The following AGRN variants were observed in gnomAD, a reference collection of about 807,000 sequenced individuals.
The protein encoded by AGRN is agrin proteoglycan.
In AGRN, 106 loss-of-function variants were observed where a neutral mutation model predicts 211.0. The ratio of observed to expected loss-of-function variants is 0.50; its 90% CI spans 0.43 to 0.59. The LOEUF (loss-of-function observed/expected upper bound fraction) is 0.59. AGRN is among the 20% of genes least tolerant of loss of function. The probability of loss-of-function intolerance (pLI) is 0.00; values close to 1 mark genes in which losing one functional copy is unlikely to be tolerated. For missense variants in AGRN, 3,040 were observed against 2,982.6 expected, an observed-to-expected ratio of 1.02 and a Z score of -0.45; for synonymous variants, 1,525 against 1,332.5, an observed-to-expected ratio of 1.14 and a Z score of -3.15.
At chr1:1,027,261 T>C (rs1644541420) in intron 2 of AGRN, among the ~76,000 whole-genome samples, 1 of 152,208 alleles carries the variant, frequency 6.6e-6, no homozygotes, top group Non-Finnish European at 1.5e-5. Flanking sequence ...TGTACACGCA[T>C]GTGTGTGCAC....
At position 1,048,573 on chromosome 1, in the gene AGRN, C is replaced by T. The variant is rs957056928; in HGVS notation, c.4105+208C>T. 1.7e-6 allele frequency: 1 copy of T among 591,840 alleles called. No homozygotes were observed. The highest frequency in any genetic ancestry group is 1.9e-5 in the African/African-American group (1 of 52,856). 36.7% of individuals were successfully genotyped at this position (591,840 alleles called of 1,614,324 possible). A position where few individuals can be genotyped will look rare whatever the true frequency, so the allele number is the denominator to read the frequency against. On this transcript the variant is annotated intron_variant, in intron 23 of 35. Coordinates refer to ENST00000379370, the MANE Select transcript of AGRN (RefSeq NM_198576.4). The surrounding 1 kb of genome is among the most constrained non-coding windows in gnomAD (Gnocchi z 5.9). ...ATCACCTGAGGTCGGGAGTTCGAGACCAGCCTGACCAACATGGAGACACTC... is the reference window on the plus strand; with the variant it reads ...ATCACCTGAGGTCGGGAGTTCGAGATCAGCCTGACCAACATGGAGACACTC...
intron 1 of AGRN, among the ~76,000 whole-genome samples, chr1:1,021,619 G>T (rs537169611): frequency 1.3e-5 from 2 of 152,274 alleles, no homozygotes; most frequent in African/African-American, 4.8e-5. Context: ...ACAGGCCACC[G>T]TCAGAGCAGC....
At chr1:1,053,582 CCT>C (rs1454221904) in intron 33 of AGRN, 169 bp from the exon 34 acceptor site, 11 of 1,514,294 alleles carry the variant, frequency 7.3e-6, no homozygotes, top group Admixed American at 4.0e-5. Flanking sequence ...CCAGGCTGCC[CCT>C]GTCTCCATCC....
At chr1:1,021,976 G>A (rs1644415894) in intron 1 of AGRN, among the ~76,000 whole-genome samples, 1 of 152,362 alleles carries the variant, frequency 6.6e-6, no homozygotes, top group East Asian at 1.9e-4. Flanking sequence ...CCTGGGGGAG[G>A]GGATGTGTTC....
At chr1:1,051,216 T>C in intron 30 of AGRN, 37 bp from the exon 31 acceptor site, 1 of 1,565,336 alleles carries the variant, frequency 6.4e-7, no homozygotes, top group Non-Finnish European at 8.7e-7. Flanking sequence ...GCACCGTGGG[T>C]GGGCTCTGCA....
intron 2 of AGRN, among the ~76,000 whole-genome samples, chr1:1,028,185 G>C (rs1644560377): frequency 6.6e-6 from 1 of 152,198 alleles, no homozygotes. Flanking sequence ...GGGAGAAAGA[G>C]GCTGTGGACA....
chr1:1,051,149 C>T (rs1645274484), intron 30 of AGRN, 104 bp from the exon 31 acceptor site: 9 of 1,269,242 alleles, frequency 7.1e-6, no homozygotes, highest in Non-Finnish European at 1.0e-5. Flanking sequence ...ACGCTGCCCC[C>T]TAGATAGGCA....
rs1392350160 is a variant in AGRN, at chr1:1,048,164, A to G, written c.3904A>G (p.Thr1302Ala). The G allele has an allele frequency of 1.3e-6, 2 of 1,579,770 alleles. No individual in the cohort carries two copies. Among genetic ancestry groups the G allele is most frequent in the South Asian group, 2.3e-5 (2 of 87,510 alleles). The change falls in exon 23 of 36, where the codon ACG (threonine) becomes GCG (alanine). Residue 1302 changes from threonine to alanine, a missense_variant. Transcript: ENST00000379370. The surrounding 1 kb of genome is among the most constrained non-coding windows in gnomAD (Gnocchi z 5.9). ...SHTSQPVAKT[T>A]AAPTTRRPPT... The stretch of plus-strand genomic sequence containing the variant: ...CACAAGCCAGCCCGTTGCCAAGACC[A>G]CGGCAGCCCCCACCACACGTCGGCC...
Position 1,047,625 on chromosome 1 carries a change from G to A in AGRN, c.3569G>A (p.Arg1190His), listed in dbSNP as rs149762107. The A allele has an allele frequency of 1.3e-4, 215 of 1,613,066 alleles. No homozygotes were observed. Among genetic ancestry groups the A allele is most frequent in the African/African-American group, 4.3e-4 (32 of 75,044 alleles). ...GTCAAGAAGGATTTTCGGAGTGTCC[G>A]CTTGCGGGACCTGGGGCCCGGCAAA... is the stretch of plus-strand genomic sequence containing the variant. ...SDVKKDFRSV[R>H]LRDLGPGKSV... Residue 1190 changes from arginine to histidine, a missense_variant, in exon 21 of 36, where the codon CGC (arginine) becomes CAC (histidine). Physicochemically the swap from Arg to His is conservative, Grantham distance 29 (BLOSUM62 0). Around this residue, in one of 3 missense-constraint regions of AGRN, gnomAD observed 1,537 missense variants for 1,505.0 expected, o/e 1.02. Transcript: ENST00000379370.
chr1:1,049,825 G>A, intron 26 of AGRN, 30 bp downstream of exon 26: 2 of 1,608,766 alleles, frequency 1.2e-6, no homozygotes, highest in Non-Finnish European at 1.7e-6. Flanking sequence ...GGGTGGGAGT[G>A]GGACCCCGGG....
chr1:1,045,305 C>A, intron 13 of AGRN, 28 bp downstream of exon 13: 3 of 1,612,062 alleles, frequency 1.9e-6, no homozygotes, highest in Non-Finnish European at 2.5e-6. Context: ...GCCCCGACCC[C>A]GGGCCTGGTG....
rs116208147 is a variant in AGRN at position 1,036,242 on chromosome 1, C to G, written c.511+918C>G. On this transcript the variant is annotated intron_variant, in intron 3 of 35. Transcript: ENST00000379370. ...AGATCGTCTCGGCCACTTTCCAGGT[C>G]TTGGGAGTGGGGGATGATGGCTGGA... 3.2e-3 allele frequency among the ~76,000 whole-genome samples: 490 copies of G among 152,220 alleles called. 7 individuals carry two copies. Among genetic ancestry groups the G allele is most frequent in the African/African-American group, 0.011 (472 of 41,528 alleles).
In AGRN at chr1:1,032,928, GC is replaced by G. The variant is rs1038076464; in HGVS notation, c.464-2345del. 1.3e-5 allele frequency among the ~76,000 whole-genome samples: 2 copies of G among 152,056 alleles called. No homozygotes were observed. The highest frequency in any genetic ancestry group is 4.8e-5 in the African/African-American group (2 of 41,406). On this transcript the variant is annotated intron_variant, in intron 2 of 35. Coordinates refer to ENST00000379370, the MANE Select transcript of AGRN (RefSeq NM_198576.4). The surrounding 1 kb of genome is among the most constrained non-coding windows in gnomAD (Gnocchi z 4.7). ...ATGGTGCACACACCGGACCGGACGG[GC>G]CCCTCCCTTACCCCCGGATCCCCCG...
At chr1:1,050,070 G>C in intron 27 of AGRN, 33 bp downstream of exon 27, 4 of 1,297,488 alleles carry the variant, frequency 3.1e-6, no homozygotes, top group Non-Finnish European at 3.2e-6. Flanking sequence ...GGCAGGGGGG[G>C]GGGGGGGGTT....
intron 34 of AGRN, 55 bp downstream of exon 34, chr1:1,054,032 C>G (rs1645385301): frequency 2.6e-6 from 4 of 1,524,856 alleles, no homozygotes; most frequent in Non-Finnish European, 3.6e-6. Flanking sequence ...CCAGACTTGC[C>G]CAGCTGGGCT....
In AGRN at chr1:1,049,809, C is replaced by A; in HGVS notation, c.4744+14C>A. ...CCGGCCGCGTCGGTGAGGGTGGGGC[C>A]GGGGCGGGTGGGAGTGGGACCCCGG... On this transcript the variant is annotated intron_variant, in intron 26 of 35. Coordinates refer to ENST00000379370, the MANE Select transcript of AGRN (RefSeq NM_198576.4). 1 of 1,604,172 alleles carries A rather than the reference C, an allele frequency of 6.2e-7. No homozygotes were observed. Among genetic ancestry groups the A allele is most frequent in the Non-Finnish European group, 8.5e-7 (1 of 1,175,936 alleles).
At position 1,047,473 on chromosome 1, in the gene AGRN, C is replaced by T. The variant is rs565585072; in HGVS notation, c.3516+19C>T. 2 of 1,612,706 alleles carry T rather than the reference C, an allele frequency of 1.2e-6. No individual in the cohort carries two copies. Among genetic ancestry groups the T allele is most frequent in the East Asian group, 4.5e-5 (2 of 44,886 alleles). ...GAGCACCGTAAGACGGGGGCGCAGC[C>T]CCCACCTACCCACTGGCCTTCCTCC... On this transcript the variant is annotated intron_variant, in intron 20 of 35. Coordinates refer to ENST00000379370, the MANE Select transcript of AGRN (RefSeq NM_198576.4).
chr1:1,050,475 C>T lies in AGRN; in HGVS notation c.5025C>T (p.Gly1675=), dbSNP rs147990356. The part of the protein sequence containing the change: ...EVVFLARGPS[G]LLLYNGQKTD... ...TGTTCCTGGCACGAGGCCCCAGCGG[C>T]CTCCTGCTCTACAACGGGCAGAAGA... is the stretch of plus-strand genomic sequence containing the variant. Residue 1675 remains glycine (G), a synonymous_variant, in exon 29 of 36, where the codon GGC becomes GGT. Transcript: ENST00000379370. 12,477 of 1,612,942 alleles carry T rather than the reference C, an allele frequency of 7.7e-3. 71 individuals carry two copies. Among genetic ancestry groups the T allele is most frequent in the Non-Finnish European group, 9.0e-3 (10,651 of 1,179,900 alleles).
chr1:1,049,320 G>A lies in AGRN; in HGVS notation c.4383G>A (p.Arg1461=), dbSNP rs369937322. The change falls in exon 25 of 36, where the codon CGG becomes CGA. Residue 1461 remains arginine, a synonymous_variant. Transcript: ENST00000379370. ...AGTGGCACCGCCTGGAGCTGTCCCGGCACTGGCGCCGGGGCACCCTCTCGG... is the reference window on the plus strand; with the variant it reads ...AGTGGCACCGCCTGGAGCTGTCCCGACACTGGCGCCGGGGCACCCTCTCGG... ...PGQWHRLELS[R]HWRRGTLSVD... is the part of the protein sequence containing the mutation. 3.1e-6 allele frequency: 5 copies of A among 1,597,560 alleles called. No individual in the cohort carries two copies. The highest frequency in any genetic ancestry group is 1.3e-5 in the African/African-American group (1 of 74,768).
Sources: allele counts gnomAD v4.1 joint callset (sites outside exome capture counted in the v4.1 genomes callset), GRCh38; gene constraint gnomAD v4.1.1; regional missense constraint gnomAD v4.1.1; non-coding constraint Gnocchi (gnomAD v3.1); transcripts MANE v1.5; gene names NCBI Gene and HGNC (gene_info 2026-07-23, HGNC 2026-07-21).